Variants in G3BP2 observed in about 807,000 individuals in gnomAD.
G3BP2 encodes the protein G3BP stress granule assembly factor 2.
A neutral mutation model predicts 56.7 loss-of-function variants in G3BP2; 11 were observed. The observed-to-expected ratio is 0.19, with a 90% confidence interval of 0.12 to 0.32. The LOEUF (loss-of-function observed/expected upper bound fraction) is 0.32. G3BP2 is among the 10% of genes least tolerant of loss of function. G3BP2 has a pLI of 1.00. For missense variants in G3BP2, 340 were observed against 610.9 expected, an observed-to-expected ratio of 0.56 and a Z score of 4.67; for synonymous variants, 165 against 191.6, an observed-to-expected ratio of 0.86 and a Z score of 1.15.
chr4:75,685,243 G>C (rs755252055), intron 3 of G3BP2, among the ~76,000 whole-genome samples: 3 of 151,822 alleles, frequency 2.0e-5, no homozygotes, highest in Non-Finnish European at 2.9e-5. Flanking sequence ...GCTCACGCCT[G>C]TAATCCCAGC....
intron 3 of G3BP2, among the ~76,000 whole-genome samples, chr4:75,708,017 T>C (rs918383253): frequency 2.0e-5 from 3 of 152,210 alleles, no homozygotes; most frequent in Non-Finnish European, 2.9e-5. Flanking sequence ...TAACCAACTA[T>C]GTGCATCGAC....
In G3BP2 at chr4:75,708,889, C is replaced by T. The variant is rs140124154; in HGVS notation, c.-25+11988G>A. ...ACTTTGGGAAGCCAAGGCAGGAGGA[C>T]TGCTTGAGCCCAGGAATTCAAGAAC... On this transcript the variant is annotated intron_variant, in intron 3 of 3. Coordinates refer to the G3BP2 transcript ENST00000499709. Among the ~76,000 whole-genome samples, 550 of 152,178 alleles carry T rather than the reference C, an allele frequency of 3.6e-3. 5 individuals are homozygous for T. Among genetic ancestry groups the T allele is most frequent in the African/African-American group, 0.013 (527 of 41,518 alleles).
upstream of G3BP2, chr4:75,673,657 C>CT (rs1733707940): frequency 8.1e-7 from 1 of 1,227,152 alleles, no homozygotes; most frequent in Non-Finnish European, 1.0e-6. Flanking sequence ...CACAAGCAGG[C>CT]TGCCTTTCTC....
At chr4:75,648,353 AAAAC>A (rs1731394386) in intron 9 of G3BP2, among the ~76,000 whole-genome samples, 1 of 39,448 alleles carries the variant, frequency 2.5e-5, no homozygotes. Flanking sequence ...TCTCAAAAAA[AAAAC>A]AAACAAACAA....
chr4:75,674,307 G>A (rs1434876406), upstream of G3BP2, among the ~76,000 whole-genome samples: 1 of 152,186 alleles, frequency 6.6e-6, no homozygotes, highest in African/African-American at 2.4e-5. Flanking sequence ...ATACATTAAT[G>A]AATGCTTACG....
At chr4:75,664,315 G>A (rs530688415) in intron 1 of G3BP2, among the ~76,000 whole-genome samples, 2 of 151,180 alleles carry the variant, frequency 1.3e-5, no homozygotes, top group East Asian at 2.0e-4. Context: ...GGTGGCTGAC[G>A]CCTGTAATCC....
intron 3 of G3BP2, among the ~76,000 whole-genome samples, chr4:75,691,339 C>G (rs1718848008): frequency 1.3e-5 from 2 of 152,192 alleles, no homozygotes; most frequent in East Asian, 3.9e-4. Context: ...CTCAGCCTCC[C>G]AAAGTGCTGG....
intron 3 of G3BP2, among the ~76,000 whole-genome samples, chr4:75,699,759 A>G (rs1967496): frequency 0.88 from 133,246 of 152,132 alleles, 58,372 homozygotes; most frequent in East Asian, 0.91. Flanking sequence ...GATTTCATTA[A>G]TATTTCTTTA....
chr4:75,676,614 TC>T (rs769997979), upstream of G3BP2, among the ~76,000 whole-genome samples: 1 of 152,148 alleles, frequency 6.6e-6, no homozygotes, highest in Non-Finnish European at 1.5e-5. Flanking sequence ...TCAATACATT[TC>T]TGTTCCCTCT....
chr4:75,686,847 A>C lies in G3BP2; in HGVS notation c.-24-24798T>G, dbSNP rs534982479. 5.9e-5 allele frequency among the ~76,000 whole-genome samples: 9 copies of C among 152,330 alleles called. No homozygotes were observed. In the East Asian group the frequency reaches 1.5e-3, roughly 26 times the overall value. On this transcript the variant is annotated intron_variant, in intron 3 of 3. Transcript: ENST00000499709. ...ATTTCTATGGTGAGCAAAGACATTA[A>C]GTTTTTGAAATCTGGGCTTAACTTC...
intron 3 of G3BP2, among the ~76,000 whole-genome samples, chr4:75,684,651 T>A (rs990093146): frequency 6.6e-5 from 10 of 152,046 alleles, no homozygotes; most frequent in Non-Finnish European, 1.5e-4. Context: ...GTTCAGGTGA[T>A]CCTCCCACCT....
intron 1 of G3BP2, chr4:75,670,359 T>C (rs1385071423): frequency 2.6e-5 from 4 of 152,246 alleles, no homozygotes; most frequent in Non-Finnish European, 1.5e-5. Flanking sequence ...AGGAACACTA[T>C]ACCTTTTTAA....
intron 3 of G3BP2, among the ~76,000 whole-genome samples, chr4:75,703,257 A>G (rs1017492269): frequency 2.6e-5 from 4 of 151,984 alleles, no homozygotes; most frequent in Non-Finnish European, 4.4e-5. Context: ...AGGTTCAGAT[A>G]GCAAAAGCAG....
At chr4:75,715,314 G>A (rs1719892141) in intron 3 of G3BP2, among the ~76,000 whole-genome samples, 1 of 150,930 alleles carries the variant, frequency 6.6e-6, no homozygotes, top group African/African-American at 2.4e-5. Flanking sequence ...AAAAAAAACT[G>A]TATTTATGTG....
intron 3 of G3BP2, among the ~76,000 whole-genome samples, chr4:75,719,275 G>C (rs1431362797): frequency 6.7e-6 from 1 of 149,066 alleles, no homozygotes; most frequent in Non-Finnish European, 1.5e-5. Flanking sequence ...GTGAACCCGG[G>C]AGGCGGAGCT....
chr4:75,710,388 A>C (rs1395260775), intron 3 of G3BP2, among the ~76,000 whole-genome samples: 14 of 152,196 alleles, frequency 9.2e-5, no homozygotes, highest in Admixed American at 3.9e-4. Context: ...TTCCTCTATA[A>C]GTGGGCCTCT....
intron 3 of G3BP2, among the ~76,000 whole-genome samples, chr4:75,717,347 G>T (rs1335634117): frequency 6.6e-6 from 1 of 152,156 alleles, no homozygotes; most frequent in Non-Finnish European, 1.5e-5. Context: ...GGCTGAGATG[G>T]GAGGATCGCT....
intron 11 of G3BP2, 122 bp from the exon 12 acceptor site, chr4:75,645,824 C>T (rs1024584950): frequency 5.3e-5 from 44 of 830,718 alleles, no homozygotes; most frequent in Admixed American, 1.0e-4. Flanking sequence ...CCCCCACCCC[C>T]CAGAGATAGG....
chr4:75,673,592 AG>A, upstream of G3BP2: 1 of 1,231,878 alleles, frequency 8.1e-7, no homozygotes, highest in Non-Finnish European at 1.0e-6. Flanking sequence ...GCGCCCGGAA[AG>A]CCGGGGAACC....
Sources: allele counts gnomAD v4.1 joint callset (sites outside exome capture counted in the v4.1 genomes callset), GRCh38; gene constraint gnomAD v4.1.1; transcripts MANE v1.5; gene names NCBI Gene and HGNC (gene_info 2026-07-23, HGNC 2026-07-21).